DMD: variants seen among roughly 807,000 people sequenced by gnomAD.
The protein encoded by DMD is mutant dystrophin.
In DMD, 63 loss-of-function variants were observed where a neutral mutation model predicts 330.1. The ratio of observed to expected loss-of-function variants is 0.19; its 90% CI spans 0.16 to 0.24. The LOEUF (loss-of-function observed/expected upper bound fraction) is 0.24, where lower values mean the gene tolerates loss of function less well. Among genes scored for constraint, DMD ranks in the 10% least tolerant of loss-of-function variants. The pLI is 1.00. For missense variants in DMD, 3,344 were observed against 2,684.1 expected, an observed-to-expected ratio of 1.25 and a Z score of -5.43; for synonymous variants, 1,223 against 959.8, an observed-to-expected ratio of 1.27 and a Z score of -5.07.
rs761835866 is a variant in DMD, at chrX:32,050,974, C to CTTTTTTTTTTTTTTTTTTTTTTTTTT, written c.6439-82461_6439-82460insAAAAAAAAAAAAAAAAAAAAAAAAAA. ...TTACATTGCCTCAGGCTAACTTCCT[C>CTTTTTTTTTTTTTTTTTTTTTTTTTT]TTTTTTTTTTTTTCCCCCTAATAGA... is the stretch of plus-strand genomic sequence containing the variant. On this transcript the variant is annotated intron_variant, in intron 44 of 78. Coordinates refer to ENST00000357033, the MANE Select transcript of DMD (RefSeq NM_004006.3). 2.4e-3 allele frequency among the ~76,000 whole-genome samples: 187 copies of CTTTTTTTTTTTTTTTTTTTTTTTTTT among 78,069 alleles called. 30 individuals are homozygous for CTTTTTTTTTTTTTTTTTTTTTTTTTT. Among genetic ancestry groups the CTTTTTTTTTTTTTTTTTTTTTTTTTT allele is most frequent in the African/African-American group, 9.0e-3 (157 of 17,479 alleles). The allele number at this position is 78,069 out of a possible 115,157, so 67.8% of individuals were successfully genotyped here. A position where few individuals can be genotyped will look rare whatever the true frequency, so the allele number is the denominator to read the frequency against.
chrX:31,741,132 T>C (rs2087303361), intron 51 of DMD, among the ~76,000 whole-genome samples: 1 of 111,951 alleles, frequency 8.9e-6, no homozygotes, highest in African/African-American at 3.2e-5. Context: ...CTGACTCCAC[T>C]TCTCATTCTG....
chrX:32,105,740 A>G (rs2096561321), intron 44 of DMD, among the ~76,000 whole-genome samples: 1 of 111,911 alleles, frequency 8.9e-6, no homozygotes, highest in South Asian at 3.7e-4. Context: ...AATAAGTCAT[A>G]TTTGATAATC....
chrX:33,239,516 T>C (rs944724921), intron 1 of DMD, among the ~76,000 whole-genome samples: 37 of 111,261 alleles, frequency 3.3e-4, no homozygotes, highest in African/African-American at 1.2e-3. Context: ...GATTTTATAA[T>C]GATTTGCTAA....
At chrX:31,988,862 G>A (rs1293554391) in intron 44 of DMD, among the ~76,000 whole-genome samples, 1 of 110,865 alleles carries the variant, frequency 9.0e-6, no homozygotes, top group Non-Finnish European at 1.9e-5. Flanking sequence ...CGAATCTGGA[G>A]AAGTCCCAAG....
At chrX:33,168,878 A>G (rs2049192108) in intron 1 of DMD, among the ~76,000 whole-genome samples, 1 of 110,934 alleles carries the variant, frequency 9.0e-6, no homozygotes, top group Non-Finnish European at 1.9e-5. Flanking sequence ...TCAAATAAAA[A>G]GCAATATGGA....
intron 50 of DMD, among the ~76,000 whole-genome samples, chrX:31,780,696 T>G (rs994191215): frequency 8.9e-6 from 1 of 112,331 alleles, no homozygotes; most frequent in Non-Finnish European, 1.9e-5. Flanking sequence ...TAAGGAAGAA[T>G]TTCATGTCTT....
At chrX:32,592,315 T>C (rs754611677) in intron 13 of DMD, among the ~76,000 whole-genome samples, 45 of 110,721 alleles carry the variant, frequency 4.1e-4, no homozygotes, top group African/African-American at 1.3e-3. Flanking sequence ...AATTAGAATG[T>C]ACCTCCTCCC....
chrX:32,692,416 C>A (rs895203756), intron 9 of DMD, among the ~76,000 whole-genome samples: 3 of 111,431 alleles, frequency 2.7e-5, no homozygotes, highest in African/African-American at 9.8e-5. Context: ...AGTGGTCTCC[C>A]TGGCTGGCTT....
At chrX:31,448,428 AAC>A (rs1480377989) in intron 59 of DMD, among the ~76,000 whole-genome samples, 2 of 112,075 alleles carry the variant, frequency 1.8e-5, no homozygotes, top group Non-Finnish European at 3.8e-5. Context: ...TGGCCGCCTA[AAC>A]ACAGAGTCAC....
intron 16 of DMD, among the ~76,000 whole-genome samples, chrX:32,556,132 C>A (rs548853201): frequency 8.9e-6 from 1 of 111,929 alleles, no homozygotes; most frequent in African/African-American, 3.2e-5. Flanking sequence ...AAACAAATAA[C>A]CTCATTAAAA....
chrX:33,300,576 G>A (rs748169735), intron 1 of DMD, among the ~76,000 whole-genome samples: 87 of 111,665 alleles, frequency 7.8e-4, no homozygotes, highest in African/African-American at 2.7e-3. Context: ...TATATTATAA[G>A]GTAGTGCCTT....
At chrX:31,932,465 G>T (rs1368647397) in intron 45 of DMD, among the ~76,000 whole-genome samples, 1 of 111,986 alleles carries the variant, frequency 8.9e-6, no homozygotes, top group African/African-American at 3.2e-5. Context: ...AAAATTCCTG[G>T]CCAGGCGCAG....
chrX:31,868,702 G>A (rs1045039217), intron 48 of DMD, among the ~76,000 whole-genome samples: 3 of 111,380 alleles, frequency 2.7e-5, no homozygotes, highest in Non-Finnish European at 5.7e-5. Flanking sequence ...GGAGACCCAG[G>A]AAACCAAGGG....
intron 43 of DMD, among the ~76,000 whole-genome samples, chrX:32,258,251 T>C (rs767293322): frequency 1.8e-5 from 2 of 111,876 alleles, no homozygotes; most frequent in Admixed American, 1.9e-4. Flanking sequence ...TGGAAGACAG[T>C]GTGGCGATTC....
intron 1 of DMD, among the ~76,000 whole-genome samples, chrX:33,287,151 C>T (rs994056219): frequency 3.6e-5 from 4 of 111,820 alleles, no homozygotes; most frequent in African/African-American, 9.7e-5. Flanking sequence ...TATACTATCA[C>T]GCTTTGCAAT....
intron 62 of DMD, among the ~76,000 whole-genome samples, chrX:31,310,193 CT>C (rs2055366625): frequency 1.3e-5 from 1 of 76,008 alleles, no homozygotes; most frequent in African/African-American, 6.4e-5. Context: ...CTCTCTCTCT[CT>C]CTCTCTCTCT....
chrX:31,969,316 A>G (rs2095378517), intron 44 of DMD, among the ~76,000 whole-genome samples: 1 of 112,046 alleles, frequency 8.9e-6, no homozygotes, highest in South Asian at 3.6e-4. Context: ...TTAAATAAAA[A>G]TGGCAATTAC....
At chrX:31,440,137 T>TAA (rs1244233283) in intron 60 of DMD, among the ~76,000 whole-genome samples, 1 of 91,574 alleles carries the variant, frequency 1.1e-5, no homozygotes, top group African/African-American at 4.0e-5. Flanking sequence ...AAAATAGTTT[T>TAA]AAAGTATTGC....
At chrX:33,245,970 A>T (rs1164870935) in intron 1 of DMD, among the ~76,000 whole-genome samples, 5 of 111,688 alleles carry the variant, frequency 4.5e-5, no homozygotes, top group African/African-American at 1.3e-4. Context: ...TCATGAAGGA[A>T]TTTTTTTCCA....
Sources: gnomAD v4.1 joint callset for allele counts (sites outside exome capture counted in the v4.1 genomes callset) on GRCh38, gnomAD v4.1.1 for gene constraint, MANE v1.5 for transcripts, NCBI Gene and HGNC (gene_info 2026-07-23, HGNC 2026-07-21) for gene names.